PFKFB2: variants seen among roughly 807,000 people sequenced by gnomAD.
The protein encoded by PFKFB2 is 6-phosphofructo-2-kinase/fructose-2,6-biphosphatase 2.
A neutral mutation model predicts 68.0 loss-of-function variants in PFKFB2; 53 were observed. That is an observed-to-expected ratio of 0.78 (90% CI 0.63 to 0.98). PFKFB2 has a LOEUF of 0.98. Ranked by LOEUF, PFKFB2 falls within the 50% of genes least tolerant of loss-of-function variation. The pLI is 0.00. For synonymous variants in PFKFB2, 222 were observed against 227.6 expected (o/e 0.98, Z 0.22); for missense variants, 451 against 642.0 (o/e 0.70, Z 3.22).
chr1:207,075,443 A>G lies in PFKFB2; in HGVS notation c.*3072A>G. On this transcript the variant is annotated 3_prime_UTR_variant, in exon 15 of 15. Transcript: ENST00000367080. ...AAAGAGCTCTTACTCCAAATTTTAG[A>G]GAAGTTTCAGCTCTACTTCTCATCT... is the stretch of plus-strand genomic sequence containing the variant. The G allele has an allele frequency of 3.0e-6, 3 of 985,444 alleles. No individual in the cohort carries two copies. Among genetic ancestry groups the G allele is most frequent in the Non-Finnish European group, 3.6e-6 (3 of 829,918 alleles). 61.0% of individuals were successfully genotyped at this position (985,444 alleles called of 1,614,324 possible). A position where few individuals can be genotyped will look rare whatever the true frequency, so the allele number is the denominator to read the frequency against.
upstream of PFKFB2, among the ~76,000 whole-genome samples, chr1:207,050,287 C>A (rs1572710847): frequency 6.6e-6 from 1 of 151,030 alleles, no homozygotes; most frequent in Non-Finnish European, 1.5e-5. Context: ...AAGGGGACTG[C>A]AAAAATGAAT....
intron 2 of PFKFB2, among the ~76,000 whole-genome samples, chr1:207,042,749 T>C (rs1267424327): frequency 1.3e-5 from 2 of 152,100 alleles, no homozygotes; most frequent in Non-Finnish European, 2.9e-5. Flanking sequence ...ACTCACATAA[T>C]GGATTGTTTA....
At position 207,075,919 on chromosome 1, in the gene PFKFB2, ATTG is replaced by A. The variant is rs1484005878; in HGVS notation, c.*3554_*3556del. On this transcript the variant is annotated 3_prime_UTR_variant, in exon 15 of 15. Transcript: ENST00000367080. ...AAATTGTAATTTAGCTCTTATCTGT[ATTG>A]TTGTTTTGTTTTGGTAAAGGGATGA... 27 of 984,968 alleles carry A rather than the reference ATTG, an allele frequency of 2.7e-5. No homozygotes were observed. Among genetic ancestry groups the A allele is most frequent in the Non-Finnish European group, 9.6e-6 (8 of 829,664 alleles). 61.0% of individuals were successfully genotyped at this position (984,968 alleles called of 1,614,324 possible).
At position 207,068,321 on chromosome 1, in the gene PFKFB2, G is replaced by C. The variant is rs1683363334; in HGVS notation, c.987+12G>C. The C allele has an allele frequency of 6.5e-7, 1 of 1,545,612 alleles. No individual in the cohort carries two copies. Among genetic ancestry groups the C allele is most frequent in the Non-Finnish European group, 8.7e-7 (1 of 1,145,452 alleles). On this transcript the variant is annotated intron_variant, in intron 10 of 14. Coordinates refer to ENST00000367080, the MANE Select transcript of PFKFB2 (RefSeq NM_006212.2). The stretch of plus-strand genomic sequence containing the variant: ...ATGAGATTGATGCTGTGAGTAGGAA[G>C]CTCTGAAGGCCCAGAAAAGCCAACA...
rs1161415361 is a variant in PFKFB2, at chr1:207,070,381, C to T, written c.1194C>T (p.Leu398=). Residue 398 remains leucine, a synonymous_variant, in exon 12 of 15, where the codon CTC becomes CTT. Transcript: ENST00000367080. The surrounding 1 kb of genome is among the most constrained non-coding windows in gnomAD (Gnocchi z 4.2). ...CCCACCAGGCTGTCATGCGCTGCCT[C>T]CTGGCCTACTTCTTGGATAAGGGCG... is the stretch of plus-strand genomic sequence containing the variant. ...VISHQAVMRC[L]LAYFLDKGAD... 1 of 1,613,984 alleles carries T rather than the reference C, an allele frequency of 6.2e-7. No homozygotes were observed.
At chr1:207,067,808 AGGCTGT>A in intron 9 of PFKFB2, 102 bp downstream of exon 9, 1 of 1,009,022 alleles carries the variant, frequency 9.9e-7, no homozygotes, top group South Asian at 1.5e-5. Flanking sequence ...ATTTGGACGT[AGGCTGT>A]GGTTTCATAG....
At chr1:207,066,497 T>G (rs1173871489) in intron 8 of PFKFB2, among the ~76,000 whole-genome samples, 2 of 152,240 alleles carry the variant, frequency 1.3e-5, no homozygotes, top group Admixed American at 6.5e-5. Context: ...ATAAAAGTAT[T>G]CTTCAGTTGG....
In PFKFB2 at chr1:207,074,730, A is replaced by G. The variant is rs1359031048; in HGVS notation, c.*2359A>G. 1 of 985,470 alleles carries G rather than the reference A, an allele frequency of 1.0e-6. No homozygotes were observed. Among genetic ancestry groups the G allele is most frequent in the Non-Finnish European group, 1.2e-6 (1 of 829,920 alleles). The allele number at this position is 985,470 out of a possible 1,614,324, so 61.0% of individuals were successfully genotyped here. A position where few individuals can be genotyped will look rare whatever the true frequency, so the allele number is the denominator to read the frequency against. ...GGGGAAAGCTAAACAGAAGTAGAAG[A>G]AAAGGTCCTTGTCCAGAGGAAGGTT... On this transcript the variant is annotated 3_prime_UTR_variant, in exon 15 of 15. Transcript: ENST00000367080.
rs1224415337 is a variant in PFKFB2, at chr1:207,064,087, AGG to A, written c.507+260_507+261del. ...AAGAATTAGCTGTTGAATTGAAACC[AGG>A]GTTTAGGTTGTAGGATTCTTGGCCC... On this transcript the variant is annotated intron_variant, in intron 7 of 14. Coordinates refer to ENST00000367080, the MANE Select transcript of PFKFB2 (RefSeq NM_006212.2). Among the ~76,000 whole-genome samples, 50 of 152,270 alleles carry A rather than the reference AGG, an allele frequency of 3.3e-4. 1 individual carries two copies. The East Asian group carries it at 9.1e-3, about 28-fold the overall frequency.
chr1:207,072,227 C>G lies in PFKFB2; in HGVS notation c.1374C>G (p.Thr458=). ...KPTNNFPKNQ[T]PVRMRRNSFT... is the part of the protein sequence containing the mutation. ...AGAACAACTTCCCCAAGAACCAAACCCCTGTAAGGATGAGAAGGAACAGCT... is the reference window on the plus strand; with the variant it reads ...AGAACAACTTCCCCAAGAACCAAACGCCTGTAAGGATGAGAAGGAACAGCT... Residue 458 remains threonine (T), a synonymous_variant, in exon 15 of 15, where the codon ACC becomes ACG. Coordinates refer to ENST00000367080, the MANE Select transcript of PFKFB2 (RefSeq NM_006212.2). The G allele has an allele frequency of 6.2e-7, 1 of 1,614,012 alleles. No homozygotes were observed. Among genetic ancestry groups the G allele is most frequent in the Non-Finnish European group, 8.5e-7 (1 of 1,179,928 alleles).
In PFKFB2 at chr1:207,073,455, G is replaced by A. The variant is rs911626457; in HGVS notation, c.*1084G>A. On this transcript the variant is annotated 3_prime_UTR_variant, in exon 15 of 15. Transcript: ENST00000367080. ...GTTGCTCAAGGCAAGAGGCAGAGAA[G>A]AGTTCACTAAAACTGCTTATTTTTG... is the stretch of plus-strand genomic sequence containing the variant. 1 of 985,324 alleles carries A rather than the reference G, an allele frequency of 1.0e-6. No individual in the cohort carries two copies. Among genetic ancestry groups the A allele is most frequent in the Non-Finnish European group, 1.2e-6 (1 of 829,924 alleles). The allele number at this position is 985,324 out of a possible 1,614,324, so 61.0% of individuals were successfully genotyped here.
rs566766805 is a variant in PFKFB2, at chr1:207,038,903, G to T, written c.-61-3266G>T. 4.7e-4 allele frequency among the ~76,000 whole-genome samples: 71 copies of T among 152,288 alleles called. 3 individuals are homozygous for T. The South Asian group carries it at 0.014, about 30-fold the overall frequency. ...GTTCCTGGTATGACATTAGCATTCA[G>T]AAATGTTTATTAAATGAATTAATAT... On this transcript the variant is annotated intron_variant, in intron 1 of 5. Transcript: ENST00000545806.
chr1:207,049,439 A>C (rs748967815), upstream of PFKFB2: 1 of 1,614,194 alleles, frequency 6.2e-7, no homozygotes, highest in South Asian at 1.1e-5. Flanking sequence ...ATCCAGTCAC[A>C]GTACTCTTGA....
chr1:207,060,610 G>A (rs1036565091), intron 2 of PFKFB2, among the ~76,000 whole-genome samples: 7 of 152,170 alleles, frequency 4.6e-5, no homozygotes, highest in African/African-American at 1.7e-4. Context: ...CAGTGGGCAA[G>A]CTAATTCTTG....
At chr1:207,068,957 G>C (rs1683386967) in intron 10 of PFKFB2, among the ~76,000 whole-genome samples, 1 of 152,128 alleles carries the variant, frequency 6.6e-6, no homozygotes, top group Admixed American at 6.5e-5. Context: ...ATCTTGGCCA[G>C]GCTGGTCTTG....
intron 1 of PFKFB2, among the ~76,000 whole-genome samples, chr1:207,035,731 A>T (rs1682365065): frequency 6.6e-6 from 1 of 152,196 alleles, no homozygotes; most frequent in African/African-American, 2.4e-5. Context: ...CAGGCTGTAC[A>T]GGCATGGTGC....
In PFKFB2 at chr1:207,076,739, G is replaced by A; in HGVS notation, c.*4368G>A. ...AGGATCTGTGTGCTGATTGACTCTAGTAGGATCTGTTTGTCACTGACAGAC... is the reference window on the plus strand; with the variant it reads ...AGGATCTGTGTGCTGATTGACTCTAATAGGATCTGTTTGTCACTGACAGAC... On this transcript the variant is annotated 3_prime_UTR_variant, in exon 15 of 15. Transcript: ENST00000367080. 1.0e-6 allele frequency: 1 copy of A among 985,210 alleles called. No individual in the cohort carries two copies. Among genetic ancestry groups the A allele is most frequent in the Non-Finnish European group, 1.2e-6 (1 of 829,884 alleles). The allele number at this position is 985,210 out of a possible 1,614,324, so 61.0% of individuals were successfully genotyped here.
Position 207,074,198 on chromosome 1 carries a change from C to G in PFKFB2, c.*1827C>G, listed in dbSNP as rs915517316. ...CCTTAGGAAGTTAGGTGGAAAAATA[C>G]TGGATAGTAGTTTCTCAGACAAAAG... On this transcript the variant is annotated 3_prime_UTR_variant, in exon 15 of 15. Coordinates refer to ENST00000367080, the MANE Select transcript of PFKFB2 (RefSeq NM_006212.2). 1.0e-6 allele frequency: 1 copy of G among 985,124 alleles called. No individual in the cohort carries two copies. The highest frequency in any genetic ancestry group is 6.1e-5 in the Admixed American group (1 of 16,264). The allele number at this position is 985,124 out of a possible 1,614,324, so 61.0% of individuals were successfully genotyped here.
Position 207,076,611 on chromosome 1 carries a change from A to C in PFKFB2, c.*4240A>C. ...CCATACTGTCCAGGAGACTGTCTCT[A>C]GTTGGATCTCTGTGCTGACTGACTG... is the stretch of plus-strand genomic sequence containing the variant. On this transcript the variant is annotated 3_prime_UTR_variant, in exon 15 of 15. Coordinates refer to ENST00000367080, the MANE Select transcript of PFKFB2 (RefSeq NM_006212.2). The C allele has an allele frequency of 1.5e-5, 15 of 985,514 alleles. No individual in the cohort carries two copies. Among genetic ancestry groups the C allele is most frequent in the Non-Finnish European group, 1.7e-5 (14 of 829,958 alleles). 61.0% of individuals were successfully genotyped at this position (985,514 alleles called of 1,614,324 possible).
Sources: gnomAD v4.1 joint callset for allele counts (sites outside exome capture counted in the v4.1 genomes callset) on GRCh38, gnomAD v4.1.1 for gene constraint, Gnocchi (gnomAD v3.1) non-coding constraint, MANE v1.5 for transcripts, NCBI Gene and HGNC (gene_info 2026-07-23, HGNC 2026-07-21) for gene names.